The following RSPH6A variants were observed in gnomAD, a reference collection of about 807,000 sequenced individuals.
The protein encoded by RSPH6A is radial spoke head 6 homolog A, also known as radial spoke head protein 6 homolog A.
Under a neutral mutation model 66.1 loss-of-function variants are expected in RSPH6A, and 49 were observed. The observed-to-expected ratio is 0.74, with a 90% confidence interval of 0.59 to 0.94. The LOEUF is 0.94. RSPH6A is among the 40% of genes least tolerant of loss of function. The pLI is 0.00. For missense variants in RSPH6A, 977 were observed against 948.3 expected (o/e 1.03, Z -0.40); for synonymous variants, 419 against 402.4 (o/e 1.04, Z -0.49).
Position 45,804,673 on chromosome 19 carries a change from G to A in RSPH6A, c.1232C>T (p.Pro411Leu), listed in dbSNP as rs761002062. Reference sequence around the variant, plus strand: ...GCTCTCCTCCTTGGGGATCACGGGCGGCGGCTTCCATACGGACTTAGGGAC... The same window carrying A: ...GCTCTCCTCCTTGGGGATCACGGGCAGCGGCTTCCATACGGACTTAGGGAC... ...DIVPKSVWKP[P>L]PVIPKEESRS... Residue 411 changes from proline (P) to leucine (L), a missense_variant, in exon 3 of 6, where the codon CCG (proline) becomes CTG (leucine). By Grantham distance (98) the Pro-to-Leu change is moderately conservative (BLOSUM62 -3). Coordinates refer to ENST00000221538, the MANE Select transcript of RSPH6A (RefSeq NM_030785.4). This position sits in a 1 kb window ranked among gnomAD's most constrained non-coding sequence, Gnocchi z 5.8. 1.9e-6 allele frequency: 3 copies of A among 1,613,918 alleles called. No homozygotes were observed. The highest frequency in any genetic ancestry group is 1.3e-5 in the African/African-American group (1 of 74,968).
intron 3 of RSPH6A, among the ~76,000 whole-genome samples, chr19:45,803,984 ACT>A (rs1970505797): frequency 7.2e-6 from 1 of 138,970 alleles, no homozygotes; most frequent in Non-Finnish European, 1.5e-5. Context: ...CAAGAGCGAG[ACT>A]CTGTCTCAAA....
At position 45,815,288 on chromosome 19, in the gene RSPH6A, C is replaced by A; in HGVS notation, c.-112G>T. ...TGAGCACCGAGAGAGGGGGCCGTTA[C>A]CCGTGGAGGGCGCGGGGAGCGGGCC... On this transcript the variant is annotated 5_prime_UTR_variant, in exon 1 of 6. Transcript: ENST00000221538. 7.9e-7 allele frequency: 1 copy of A among 1,266,248 alleles called. No homozygotes were observed. Among genetic ancestry groups the A allele is most frequent in the Non-Finnish European group, 1.1e-6 (1 of 944,120 alleles). The allele number at this position is 1,266,248 out of a possible 1,614,324, so 78.4% of individuals were successfully genotyped here. A position where few individuals can be genotyped will look rare whatever the true frequency, so the allele number is the denominator to read the frequency against.
intron 2 of RSPH6A, among the ~76,000 whole-genome samples, chr19:45,806,658 G>A (rs1970547112): frequency 1.0e-5 from 1 of 100,502 alleles, no homozygotes; most frequent in Admixed American, 1.4e-4. Flanking sequence ...GTGACAGAGT[G>A]AGACTCTGTC....
chr19:45,796,185 G>T (rs1415968061), intron 5 of RSPH6A, 79 bp from the exon 6 acceptor site: 2 of 1,109,110 alleles, frequency 1.8e-6, no homozygotes, highest in East Asian at 2.4e-5. Flanking sequence ...TTTTGAGATG[G>T]AGTCTTACTC....
At chr19:45,810,210 C>T (rs1186310104) in intron 2 of RSPH6A, among the ~76,000 whole-genome samples, 2 of 147,296 alleles carry the variant, frequency 1.4e-5, no homozygotes, top group African/African-American at 5.1e-5. Flanking sequence ...CGCTCTGTTG[C>T]CCAGGCTGGA....
At chr19:45,800,680 A>T in intron 4 of RSPH6A, 117 bp from the exon 5 acceptor site, 1 of 675,120 alleles carries the variant, frequency 1.5e-6, no homozygotes, top group Non-Finnish European at 2.3e-6. Context: ...CATGAGGGGA[A>T]CTATAGCCAC....
rs766093956 is a variant in RSPH6A at position 45,804,984 on chromosome 19, AG to A, written c.920del (p.Thr307MetfsTer12). 1 of 1,612,972 alleles carries A rather than the reference AG, an allele frequency of 6.2e-7. No homozygotes were observed. Among genetic ancestry groups the A allele is most frequent in the South Asian group, 1.1e-5 (1 of 91,090 alleles). ...GETPVPNIME[T>X]AFYFEQAGVG... ...CGCCGGCCTGCTCGAAGTAGAAGGC[AG>A]TCTCCATGATGTTGGGCACTGGTGT... On this transcript the variant is annotated frameshift_variant, in exon 3 of 6. Coordinates refer to ENST00000221538, the MANE Select transcript of RSPH6A (RefSeq NM_030785.4). LOFTEE classifies it high-confidence loss of function. This position sits in a 1 kb window ranked among gnomAD's most constrained non-coding sequence, Gnocchi z 5.8.
At chr19:45,803,709 C>T (rs1970502054) in intron 3 of RSPH6A, among the ~76,000 whole-genome samples, 1 of 146,526 alleles carries the variant, frequency 6.8e-6, no homozygotes. Context: ...AAAAAAAAAC[C>T]AGCCAGGGCG....
rs1970404319 is a variant in RSPH6A at position 45,795,957 on chromosome 19, A to G, written c.2066T>C (p.Leu689Pro). The change falls in exon 6 of 6, where the codon CTG (leucine) becomes CCG (proline). Residue 689 changes from leucine to proline, a missense_variant. Transcript: ENST00000221538. ...SDPTVEEEQA[L>P]KAAQEQALGA... ...CAGGGCTTGTTCCTGGGCTGCTTTC[A>G]GAGCCTGCTCCTCTTCCACTGTGGG... is the stretch of plus-strand genomic sequence containing the variant. The G allele has an allele frequency of 1.9e-6, 3 of 1,611,800 alleles. No homozygotes were observed. The highest frequency in any genetic ancestry group is 8.5e-7 in the Non-Finnish European group (1 of 1,179,528).
At position 45,796,064 on chromosome 19, in the gene RSPH6A, G is replaced by A. The variant is rs1300871011; in HGVS notation, c.1959C>T (p.Ser653=). The change falls in exon 6 of 6, where the codon AGC becomes AGT. Residue 653 remains serine, a synonymous_variant. Transcript: ENST00000221538. ...NIYIGWGHKY[S]PESFNPALPA... ...GCAGGGCCGGGTTGAAGCTCTCGGGGCTGTACTTGTGACCCCAGCCGATGT... is the reference window on the plus strand; with the variant it reads ...GCAGGGCCGGGTTGAAGCTCTCGGGACTGTACTTGTGACCCCAGCCGATGT... The A allele has an allele frequency of 1.9e-6, 3 of 1,607,202 alleles. No individual in the cohort carries two copies. The highest frequency in any genetic ancestry group is 2.2e-5 in the East Asian group (1 of 44,734).
chr19:45,803,646 C>T (rs7257103), intron 3 of RSPH6A, among the ~76,000 whole-genome samples: 50,962 of 149,982 alleles, frequency 0.34, 9,002 homozygotes, highest in East Asian at 0.54. Flanking sequence ...CATTGTACTC[C>T]AGCCTGGGCA....
chr19:45,812,022 CCG>C lies in RSPH6A; in HGVS notation c.651-1184_651-1183del, dbSNP rs1283666861. Among the ~76,000 whole-genome samples the C allele has an allele frequency of 5.9e-5, 9 of 151,628 alleles. No homozygotes were observed. In the East Asian group the frequency reaches 1.5e-3, roughly 26 times the overall value. The stretch of plus-strand genomic sequence containing the variant: ...TCTCGAACTCCTGACCTCAGGTGAT[CCG>C]CCCGTCTTGGCCTCCTAAAGTGCTG... On this transcript the variant is annotated intron_variant, in intron 1 of 5. Coordinates refer to ENST00000221538, the MANE Select transcript of RSPH6A (RefSeq NM_030785.4).
rs1970609985 is a variant in RSPH6A, at chr19:45,810,522, G to C, written c.888+81C>G. The C allele has an allele frequency of 2.3e-6, 3 of 1,322,502 alleles. No individual in the cohort carries two copies. The East Asian group carries it at 6.9e-5, about 31-fold the overall frequency. 81.9% of individuals were successfully genotyped at this position (1,322,502 alleles called of 1,614,324 possible). On this transcript the variant is annotated intron_variant, in intron 2 of 5. Coordinates refer to ENST00000221538, the MANE Select transcript of RSPH6A (RefSeq NM_030785.4). ...TGTGCAATGCTGTCTTTCGCCTCCAGGCCTTGGCACAGGCTGTGCCCTAAG... is the reference window on the plus strand; with the variant it reads ...TGTGCAATGCTGTCTTTCGCCTCCACGCCTTGGCACAGGCTGTGCCCTAAG...
Position 45,811,760 on chromosome 19 carries a change from ATTATTATTATTATT to A in RSPH6A, c.651-934_651-921del, listed in dbSNP as rs1469112098. Among the ~76,000 whole-genome samples the A allele has an allele frequency of 5.9e-4, 78 of 131,122 alleles. No individual in the cohort carries two copies. The Middle Eastern group carries it at 0.014, about 24-fold the overall frequency. The allele number at this position is 131,122 out of a possible 152,430, so 86.0% of individuals were successfully genotyped here. ...CAACATTTGTATTATTATTATTATT[ATTATTATTATTATT>A]ATTATTATTATTATTAGAGACAGAG... On this transcript the variant is annotated intron_variant, in intron 1 of 5. Transcript: ENST00000221538.
At chr19:45,801,958 C>A in intron 4 of RSPH6A, among the ~76,000 whole-genome samples, 162 bp downstream of exon 4, 1 of 152,218 alleles carries the variant, frequency 6.6e-6, no homozygotes, top group East Asian at 1.9e-4. Context: ...TTCCCAGAAC[C>A]TCCTGATGGG....
intron 1 of RSPH6A, 157 bp from the exon 2 acceptor site, chr19:45,810,997 T>C (rs1970620337): frequency 2.0e-6 from 1 of 505,470 alleles, no homozygotes; most frequent in African/African-American, 2.0e-5. Flanking sequence ...TATTTATTTT[T>C]ATTTATTTAG....
At chr19:45,813,395 G>C (rs1446927797) in intron 1 of RSPH6A, among the ~76,000 whole-genome samples, 2 of 152,108 alleles carry the variant, frequency 1.3e-5, no homozygotes, top group Non-Finnish European at 2.9e-5. Context: ...CCAGGCTGGA[G>C]TGCAGTGGCA....
Position 45,804,251 on chromosome 19 carries a change from C to T in RSPH6A, c.1653+1G>A. 6.3e-7 allele frequency: 1 copy of T among 1,598,946 alleles called. No homozygotes were observed. Among genetic ancestry groups the T allele is most frequent in the South Asian group, 1.1e-5 (1 of 90,308 alleles). On this transcript the variant is annotated splice_donor_variant, in intron 3 of 5. Coordinates refer to ENST00000221538, the MANE Select transcript of RSPH6A (RefSeq NM_030785.4). LOFTEE classifies it high-confidence loss of function. The surrounding 1 kb of genome is among the most constrained non-coding windows in gnomAD (Gnocchi z 5.8). Reference sequence around the variant, plus strand: ...TGAGAGGCGGGAGTCCCGGCGCTCACCTGCGGCAGGATGTGCTGTGTGTGA... The same window carrying T: ...TGAGAGGCGGGAGTCCCGGCGCTCATCTGCGGCAGGATGTGCTGTGTGTGA...
intron 2 of RSPH6A, among the ~76,000 whole-genome samples, chr19:45,805,537 C>T (rs948770622): frequency 1.3e-5 from 2 of 152,058 alleles, no homozygotes; most frequent in Non-Finnish European, 2.9e-5. Flanking sequence ...ACAAAAAATA[C>T]AAAAATTAGG....
Sources: gnomAD v4.1 joint callset for allele counts (sites outside exome capture counted in the v4.1 genomes callset) on GRCh38, gnomAD v4.1.1 for gene constraint, Gnocchi (gnomAD v3.1) non-coding constraint, MANE v1.5 for transcripts, NCBI Gene and HGNC (gene_info 2026-07-23, HGNC 2026-07-21) for gene names.